NOXRED1: variants seen among roughly 807,000 people sequenced by gnomAD.
NOXRED1 encodes the protein NADP-dependent oxidoreductase domain-containing protein 1.
In NOXRED1, 20 loss-of-function variants were observed where a neutral mutation model predicts 30.4. That is an observed-to-expected ratio of 0.66 (90% confidence interval 0.46 to 0.96). The LOEUF (loss-of-function observed/expected upper bound fraction) is 0.96, where lower values mean the gene tolerates loss of function less well. Ranked by LOEUF, NOXRED1 falls within the 40% of genes least tolerant of loss-of-function variation. The pLI, the probability that NOXRED1 is intolerant of heterozygous loss-of-function variation, is 0.00. For synonymous variants in NOXRED1, 155 were observed against 168.0 expected (o/e 0.92, Z 0.60); for missense variants, 374 against 428.0 (o/e 0.87, Z 1.11).
At chr14:77,402,490 C>T (rs752880092) in intron 5 of NOXRED1, among the ~76,000 whole-genome samples, 1 of 152,016 alleles carries the variant, frequency 6.6e-6, no homozygotes. Flanking sequence ...AAAAATTAGC[C>T]AGGCATGGTG....
intron 1 of NOXRED1, among the ~76,000 whole-genome samples, chr14:77,417,679 T>G (rs1260941558): frequency 6.6e-6 from 1 of 152,226 alleles, no homozygotes; most frequent in African/African-American, 2.4e-5. Context: ...AAAGTGAGTC[T>G]CTTGAAGACA....
intron 1 of NOXRED1, among the ~76,000 whole-genome samples, chr14:77,414,891 C>A (rs1345093956): frequency 6.6e-6 from 1 of 151,730 alleles, no homozygotes; most frequent in Non-Finnish European, 1.5e-5. Flanking sequence ...GGTTAAAAAA[C>A]ACATGCTGGG....
At chr14:77,421,912 T>A (rs1261154685) in intron 1 of NOXRED1, among the ~76,000 whole-genome samples, 2 of 152,218 alleles carry the variant, frequency 1.3e-5, no homozygotes, top group Non-Finnish European at 2.9e-5. Flanking sequence ...AAATGCCACC[T>A]GCAAGTTTCA....
intron 5 of NOXRED1, among the ~76,000 whole-genome samples, chr14:77,405,394 C>A (rs1236834420): frequency 2.0e-5 from 3 of 151,686 alleles, no homozygotes; most frequent in Non-Finnish European, 2.9e-5. Flanking sequence ...GACTGTCTCA[C>A]AAAATAAAAT....
chr14:77,399,188 G>C (rs995667833), intron 5 of NOXRED1, among the ~76,000 whole-genome samples: 1 of 151,962 alleles, frequency 6.6e-6, no homozygotes, highest in Non-Finnish European at 1.5e-5. Flanking sequence ...GAGGCCAGGT[G>C]AGGTGACTCC....
At chr14:77,424,176 C>T (rs760476575), upstream of NOXRED1, among the ~76,000 whole-genome samples, 4 of 152,204 alleles carry the variant, frequency 2.6e-5, no homozygotes, top group Admixed American at 1.3e-4. Flanking sequence ...CTCACCCTGG[C>T]GTGGTGGCTC....
intron 4 of NOXRED1, chr14:77,406,522 C>G: frequency 3.0e-6 from 2 of 660,724 alleles, no homozygotes; most frequent in Non-Finnish European, 5.4e-6. Flanking sequence ...TTAATTTGTC[C>G]TTAAGAAGTC....
At chr14:77,395,109 CTT>C (rs35389923) in intron 5 of NOXRED1, among the ~76,000 whole-genome samples, 5 of 137,596 alleles carry the variant, frequency 3.6e-5, no homozygotes, top group Non-Finnish European at 4.6e-5. Flanking sequence ...TTTTTTCTTT[CTT>C]TTTTTTTTTT....
chr14:77,414,347 T>C (rs574365646), intron 1 of NOXRED1, among the ~76,000 whole-genome samples: 1 of 152,128 alleles, frequency 6.6e-6, no homozygotes, highest in East Asian at 1.9e-4. Flanking sequence ...TCCCGGCTAA[T>C]TTTTTGTATT....
At chr14:77,425,313 C>T (rs113157623), upstream of NOXRED1, among the ~76,000 whole-genome samples, 15 of 152,318 alleles carry the variant, frequency 9.8e-5, no homozygotes, top group African/African-American at 3.6e-4. Flanking sequence ...CTCCTCGGTA[C>T]TTCTCATCCA....
intron 1 of NOXRED1, 39 bp from the exon 2 acceptor site, chr14:77,414,166 C>T (rs762660995): frequency 8.1e-7 from 1 of 1,240,846 alleles, no homozygotes; most frequent in East Asian, 2.6e-5. Context: ...TAAATACATG[C>T]ACACACTAGT....
At chr14:77,423,899 G>A (rs1895064296), upstream of NOXRED1, among the ~76,000 whole-genome samples, 1 of 152,150 alleles carries the variant, frequency 6.6e-6, no homozygotes, top group Non-Finnish European at 1.5e-5. Context: ...AGTACATTCA[G>A]AATGTTGTGC....
intron 1 of NOXRED1, among the ~76,000 whole-genome samples, chr14:77,418,642 A>C (rs1894900205): frequency 6.6e-6 from 1 of 151,378 alleles, no homozygotes. Context: ...CAATCCTCCC[A>C]CATCAGACTA....
intron 1 of NOXRED1, among the ~76,000 whole-genome samples, chr14:77,420,308 G>A (rs1449040549): frequency 6.6e-6 from 1 of 151,700 alleles, no homozygotes; most frequent in Non-Finnish European, 1.5e-5. Context: ...TCCAAATTTT[G>A]GTTCTTAGTT....
At position 77,414,110 on chromosome 14, in the gene NOXRED1, T is replaced by C. The variant is rs1894743503; in HGVS notation, c.173A>G (p.Asn58Ser). ...LYNLRASLNK[N>S]QSSRHLSIGS... ...AATTGAGAGATGTCTGGAACTTTGA[T>C]TCTTATTTAATGATGCTCTGGAGAA... The change falls in exon 2 of 6, where the codon AAT becomes AGT. Residue 58 changes from asparagine (N) to serine (S), a missense_variant. Asn to Ser is a conservative substitution (Grantham distance 46). Transcript: ENST00000380835. The C allele has an allele frequency of 3.4e-5, 55 of 1,595,716 alleles. No individual in the cohort carries two copies. The highest frequency in any genetic ancestry group is 4.6e-5 in the Non-Finnish European group (54 of 1,165,840).
chr14:77,408,442 C>T (rs1894543591), intron 2 of NOXRED1, among the ~76,000 whole-genome samples: 1 of 151,800 alleles, frequency 6.6e-6, no homozygotes. Flanking sequence ...GTGATCCTCC[C>T]ACCTCCGCCT....
rs1351701919 is a variant in NOXRED1 at position 77,422,884 on chromosome 14, G to A, written c.6C>T (p.Asp2=). Residue 2 remains aspartate (D), a synonymous_variant, in exon 1 of 6, where the codon GAC becomes GAT. Transcript: ENST00000380835. M[D]MLQDLESLQF... is the part of the protein sequence containing the mutation. Reference sequence around the variant, plus strand: ...GCAGGGACTCAAGGTCCTGGAGCATGTCCATTTCCAAGCCACTATTTCCTG... The same window carrying A: ...GCAGGGACTCAAGGTCCTGGAGCATATCCATTTCCAAGCCACTATTTCCTG... The A allele has an allele frequency of 9.3e-6, 15 of 1,610,346 alleles. No homozygotes were observed. The highest frequency in any genetic ancestry group is 1.3e-5 in the Non-Finnish European group (15 of 1,178,712).
chr14:77,399,514 C>T (rs530285528), intron 5 of NOXRED1, among the ~76,000 whole-genome samples: 8 of 152,174 alleles, frequency 5.3e-5, no homozygotes, highest in Non-Finnish European at 1.2e-4. Flanking sequence ...CGGCAGACTA[C>T]GGAAGCAGAA....
chr14:77,404,043 A>C (rs977526163), intron 5 of NOXRED1, among the ~76,000 whole-genome samples: 1 of 152,224 alleles, frequency 6.6e-6, no homozygotes, highest in African/African-American at 2.4e-5. Context: ...CTGCAATTCT[A>C]TACCTGGCTA....
Sources: allele counts gnomAD v4.1 joint callset (sites outside exome capture counted in the v4.1 genomes callset), GRCh38; gene constraint gnomAD v4.1.1; transcripts MANE v1.5; gene names NCBI Gene and HGNC (gene_info 2026-07-23, HGNC 2026-07-21).